Variants in MGAT4C observed in about 807,000 individuals in gnomAD.
MGAT4C encodes MGAT4 family member C, also known as alpha-1,3-mannosyl-glycoprotein 4-beta-N-acetylglucosaminyltransferase C.
MGAT4C carries 19 observed loss-of-function variants against 40.1 expected under a neutral mutation model. The ratio of observed to expected loss-of-function variants is 0.47; its 90% CI spans 0.33 to 0.70. MGAT4C has a LOEUF of 0.70. Ranked by LOEUF, MGAT4C falls within the 30% of genes least tolerant of loss-of-function variation. MGAT4C has a pLI of 0.02. For missense variants in MGAT4C, 491 were observed against 563.2 expected (o/e 0.87, Z 1.30); for synonymous variants, 181 against 187.1 (o/e 0.97, Z 0.27).
intron 4 of MGAT4C, among the ~76,000 whole-genome samples, chr12:86,267,853 A>G (rs1237153740): frequency 6.6e-6 from 1 of 152,152 alleles, no homozygotes; most frequent in African/African-American, 2.4e-5. Flanking sequence ...GAATTCATAG[A>G]ATTATGTAGA....
rs1361716354 is a variant in MGAT4C at position 86,431,174 on chromosome 12, G to A, written c.-120+3983C>T. Among the ~76,000 whole-genome samples, 3 of 152,270 alleles carry A rather than the reference G, an allele frequency of 2.0e-5. No homozygotes were observed. In the South Asian group the frequency reaches 6.2e-4, roughly 32 times the overall value. ...CATGCTTTCAAAGACACCTAGCTCT[G>A]TACTGCAGGTTGGCAATGAGGTTGA... On this transcript the variant is annotated intron_variant, in intron 3 of 7. Coordinates refer to the MGAT4C transcript ENST00000548651.
At chr12:86,562,458 A>G (rs1959914334) in intron 2 of MGAT4C, among the ~76,000 whole-genome samples, 3 of 152,034 alleles carry the variant, frequency 2.0e-5, no homozygotes, top group Admixed American at 6.5e-5. Flanking sequence ...GCCAGAGGAA[A>G]AAGCCTCCTC....
chr12:86,566,188 G>A (rs1960091667), intron 2 of MGAT4C, among the ~76,000 whole-genome samples: 1 of 152,168 alleles, frequency 6.6e-6, no homozygotes, highest in Non-Finnish European at 1.5e-5. Flanking sequence ...AGGATACAAA[G>A]TATTGATTGT....
At chr12:86,418,894 T>C (rs1368900666) in intron 3 of MGAT4C, among the ~76,000 whole-genome samples, 3 of 152,130 alleles carry the variant, frequency 2.0e-5, no homozygotes, top group Non-Finnish European at 4.4e-5. Context: ...CTTAGGTCAC[T>C]GTAAAAATAA....
intron 1 of MGAT4C, among the ~76,000 whole-genome samples, chr12:86,739,133 CAAAAAAAAAAAAAA>C (rs59869666): frequency 1.8e-4 from 7 of 39,788 alleles, no homozygotes; most frequent in South Asian, 3.2e-3. Flanking sequence ...TTTCCCTGTG[CAAAAAAAAAAAAAA>C]AAAAAAAAAA....
chr12:86,163,637 A>T (rs1885855396), intron 1 of MGAT4C, among the ~76,000 whole-genome samples: 1 of 152,204 alleles, frequency 6.6e-6, no homozygotes, highest in Non-Finnish European at 1.5e-5. Context: ...CAGTCTTTTA[A>T]ATAAAATTAC....
At chr12:86,251,131 G>GTTTTTTT (rs5799770) in intron 1 of MGAT4C, among the ~76,000 whole-genome samples, 2 of 138,108 alleles carry the variant, frequency 1.4e-5, no homozygotes, top group Non-Finnish European at 3.2e-5. Context: ...TTTATTTCCC[G>GTTTTTTT]TTTTTTTTTT....
At position 86,311,633 on chromosome 12, in the gene MGAT4C, A is replaced by G. The variant is rs1230578463; in HGVS notation, c.-57+22432T>C. On this transcript the variant is annotated intron_variant, in intron 4 of 7. Coordinates refer to the MGAT4C transcript ENST00000548651. Reference sequence around the variant, plus strand: ...GAATTGCAAAGGGTTCTGCACTCAGAAAGAAGCCCCGTGTTTAGGGTTTAA... The same window carrying G: ...GAATTGCAAAGGGTTCTGCACTCAGGAAGAAGCCCCGTGTTTAGGGTTTAA... Among the ~76,000 whole-genome samples, 8 of 152,320 alleles carry G rather than the reference A, an allele frequency of 5.3e-5. No individual in the cohort carries two copies. The South Asian group carries it at 1.7e-3, about 32-fold the overall frequency.
intron 4 of MGAT4C, among the ~76,000 whole-genome samples, chr12:86,301,577 C>A (rs1022579113): frequency 3.9e-5 from 6 of 152,088 alleles, no homozygotes; most frequent in African/African-American, 1.2e-4. Context: ...GTGGATGTAT[C>A]TTCTAGTTGA....
chr12:86,620,701 C>T (rs557493621), intron 2 of MGAT4C, among the ~76,000 whole-genome samples: 2 of 152,266 alleles, frequency 1.3e-5, no homozygotes, highest in South Asian at 4.1e-4. Context: ...GTGTTCCCAC[C>T]AGAATCTCAA....
At chr12:86,397,969 T>A (rs1241590162) in intron 3 of MGAT4C, among the ~76,000 whole-genome samples, 2 of 152,150 alleles carry the variant, frequency 1.3e-5, no homozygotes, top group Non-Finnish European at 2.9e-5. Context: ...TTAATTTTTT[T>A]AATTGTGTAA....
intron 1 of MGAT4C, among the ~76,000 whole-genome samples, chr12:86,096,802 A>G (rs1171680777): frequency 1.3e-5 from 2 of 151,378 alleles, no homozygotes; most frequent in Non-Finnish European, 3.0e-5. Flanking sequence ...AAGTTCTATT[A>G]CCCTAGTTTA....
chr12:86,583,820 G>A (rs1256125785), intron 2 of MGAT4C, among the ~76,000 whole-genome samples: 1 of 150,994 alleles, frequency 6.6e-6, no homozygotes, highest in East Asian at 1.9e-4. Context: ...ATATTTTAAA[G>A]TATTTATTGT....
intron 3 of MGAT4C, among the ~76,000 whole-genome samples, chr12:86,424,882 G>A (rs1015176998): frequency 6.6e-6 from 1 of 152,020 alleles, no homozygotes; most frequent in Non-Finnish European, 1.5e-5. Flanking sequence ...TCAGCCTCCC[G>A]AGTAGCTGGG....
intron 1 of MGAT4C, among the ~76,000 whole-genome samples, chr12:86,187,261 C>G (rs1414813865): frequency 6.6e-6 from 1 of 152,006 alleles, no homozygotes; most frequent in Non-Finnish European, 1.5e-5. Context: ...TATTTTAATT[C>G]CACACAGCTG....
intron 2 of MGAT4C, among the ~76,000 whole-genome samples, chr12:86,531,482 G>A (rs77157768): frequency 2.4e-3 from 370 of 151,978 alleles, no homozygotes; most frequent in African/African-American, 8.6e-3. Context: ...TTTGGTAAAG[G>A]GCTTCACTTG....
chr12:86,540,741 AGAGAG>A (rs1565836491), intron 2 of MGAT4C, among the ~76,000 whole-genome samples: 2 of 149,044 alleles, frequency 1.3e-5, no homozygotes, highest in Non-Finnish European at 1.5e-5. Context: ...ATCTCCAGAA[AGAGAG>A]AGAGAGAGAG....
chr12:86,289,421 T>C (rs956558821), intron 4 of MGAT4C, among the ~76,000 whole-genome samples: 2 of 152,174 alleles, frequency 1.3e-5, no homozygotes, highest in Non-Finnish European at 2.9e-5. Flanking sequence ...AGTTGTAATT[T>C]TTTTTTTCAA....
chr12:86,538,703 G>T (rs1959117914), intron 2 of MGAT4C, among the ~76,000 whole-genome samples: 1 of 151,396 alleles, frequency 6.6e-6, no homozygotes, highest in Non-Finnish European at 1.5e-5. Context: ...CACCTCCCAG[G>T]TTCATGCCAT....
Sources: allele counts gnomAD v4.1 joint callset (sites outside exome capture counted in the v4.1 genomes callset), GRCh38; gene constraint gnomAD v4.1.1; transcripts MANE v1.5; gene names NCBI Gene and HGNC (gene_info 2026-07-23, HGNC 2026-07-21).